The following NCR1 variants were observed in gnomAD, a reference collection of about 807,000 sequenced individuals.
The protein encoded by NCR1 is NK cell-activating receptor.
In NCR1, 30 loss-of-function variants were observed where a neutral mutation model predicts 32.5. The observed-to-expected ratio is 0.92, with a 90% confidence interval of 0.69 to 1.25. The LOEUF (loss-of-function observed/expected upper bound fraction) is 1.25, where lower values mean the gene tolerates loss of function less well. Among genes scored for constraint, NCR1 ranks in the 50% most tolerant of loss-of-function variants. The pLI is 0.00. For synonymous variants in NCR1, 169 were observed against 143.4 expected, an observed-to-expected ratio of 1.18 and a Z score of -1.28; for missense variants, 369 against 380.7, an observed-to-expected ratio of 0.97 and a Z score of 0.26.
intron 5 of NCR1, among the ~76,000 whole-genome samples, chr19:54,911,352 AAAAAAG>A (rs762610378): frequency 0.06 from 8,689 of 145,708 alleles, 352 homozygotes; most frequent in Middle Eastern, 0.18. Context: ...CCGTCTCAAA[AAAAAAG>A]AAAAAGAAAA....
the NCR1 span, among the ~76,000 whole-genome samples, chr19:54,928,293 C>T: frequency 1.4e-4 from 22 of 152,026 alleles, no homozygotes; most frequent in Admixed American, 4.6e-4. Context: ...TCCAGCTACT[C>T]GAGAGGCAGG....
chr19:54,911,735 C>T (rs73619965), intron 5 of NCR1, among the ~76,000 whole-genome samples: 128,121 of 152,102 alleles, frequency 0.84, 54,556 homozygotes, highest in East Asian at 0.96. Context: ...CAGAGGCCTG[C>T]CATCCCAGCC....
At chr19:54,914,791 G>A (rs561217068), downstream of NCR1, among the ~76,000 whole-genome samples, 5 of 149,932 alleles carry the variant, frequency 3.3e-5, no homozygotes, top group Non-Finnish European at 5.9e-5. Context: ...CCAAGCTGGC[G>A]TGCAGTGGCA....
upstream of NCR1, among the ~76,000 whole-genome samples, chr19:54,905,922 A>G (rs1003053580): frequency 2.0e-5 from 3 of 152,204 alleles, no homozygotes; most frequent in Admixed American, 2.0e-4. Context: ...AGAATTGAGA[A>G]GTTGACCCAG....
At position 54,906,318 on chromosome 19, in the gene NCR1, G is replaced by T; in HGVS notation, c.54G>T (p.Arg18Ser). ...LLCVGLCLSQRISAQQQTLPK... is the reference protein window; with the variant it reads ...LLCVGLCLSQSISAQQQTLPK... Reference sequence around the variant, plus strand: ...TTCCAGGGCTGTGTCTGAGTCAGAGGATCAGCGCCCAGCAGCGTGAGTCCT... The same window carrying T: ...TTCCAGGGCTGTGTCTGAGTCAGAGTATCAGCGCCCAGCAGCGTGAGTCCT... The change falls in exon 2 of 7, where the codon AGG becomes AGT. Residue 18 changes from arginine to serine, a missense_variant. By Grantham distance (110) the Arg-to-Ser change is moderately radical (BLOSUM62 -1). Coordinates refer to ENST00000291890, the MANE Select transcript of NCR1 (RefSeq NM_004829.7). 1 of 1,613,992 alleles carries T rather than the reference G, an allele frequency of 6.2e-7. No homozygotes were observed.
At chr19:54,907,105 G>A (rs994964608) in intron 3 of NCR1, among the ~76,000 whole-genome samples, 1 of 151,664 alleles carries the variant, frequency 6.6e-6, no homozygotes, top group Non-Finnish European at 1.5e-5. Context: ...TGGGCCAGGC[G>A]CAGTGGCTTA....
the NCR1 span, among the ~76,000 whole-genome samples, chr19:54,921,983 G>A: frequency 3.3e-5 from 5 of 151,142 alleles, no homozygotes; most frequent in East Asian, 7.9e-4. Flanking sequence ...CGCAAACTCC[G>A]CCTCCCGGGT....
chr19:54,935,445 T>C, the NCR1 span, among the ~76,000 whole-genome samples: 13 of 152,012 alleles, frequency 8.6e-5, no homozygotes, highest in Admixed American at 2.0e-4. Flanking sequence ...CCTGTAATCC[T>C]AGCACTTTGG....
intron 5 of NCR1, among the ~76,000 whole-genome samples, chr19:54,910,329 C>T (rs587708725): frequency 3.3e-5 from 5 of 151,998 alleles, no homozygotes; most frequent in South Asian, 2.1e-4. Flanking sequence ...CCCAACACTT[C>T]GGGAGGCCAA....
the NCR1 span, chr19:54,927,667 C>G: frequency 1.9e-6 from 3 of 1,614,054 alleles, no homozygotes; most frequent in African/African-American, 2.7e-5. Flanking sequence ...TTATGCCACT[C>G]TTCCACAAAT....
chr19:54,920,533 T>G (rs73603931), downstream of NCR1, among the ~76,000 whole-genome samples: 4,540 of 152,138 alleles, frequency 0.03, 230 homozygotes, highest in African/African-American at 0.11. Context: ...TTATTACTGG[T>G]AAGTGGGTAA....
At chr19:54,934,655 C>T in the NCR1 span, 3 of 1,612,872 alleles carry the variant, frequency 1.9e-6, no homozygotes, top group Middle Eastern at 1.7e-4. This position sits in a 1 kb window ranked among gnomAD's most constrained non-coding sequence, Gnocchi z 6.7. Context: ...CAGTGACCTC[C>T]CAACCTGTGA....
intron 2 of NCR1, 44 bp downstream of exon 2, chr19:54,906,378 G>A: frequency 6.2e-7 from 1 of 1,608,744 alleles, no homozygotes; most frequent in Non-Finnish European, 8.5e-7. Context: ...TCCGGATTCA[G>A]GCCAAGCTCC....
At chr19:54,932,759 G>A in the NCR1 span, among the ~76,000 whole-genome samples, 12,769 of 151,584 alleles carry the variant, frequency 0.084, 927 homozygotes, top group East Asian at 0.36. Flanking sequence ...AGATTCAAGC[G>A]ATTCTCCTAC....
At chr19:54,927,631 T>C in the NCR1 span, 1 of 1,614,166 alleles carries the variant, frequency 6.2e-7, no homozygotes, top group African/African-American at 1.3e-5. Context: ...ATCCAGTTCT[T>C]TGTCTTAGAA....
chr19:54,918,647 C>CT (rs1326329913), downstream of NCR1, among the ~76,000 whole-genome samples: 4 of 152,074 alleles, frequency 2.6e-5, no homozygotes, highest in Non-Finnish European at 5.9e-5. Context: ...TTACATCACT[C>CT]TGCCTTTGTG....
At chr19:54,917,171 C>A (rs988959978), downstream of NCR1, among the ~76,000 whole-genome samples, 1 of 151,722 alleles carries the variant, frequency 6.6e-6, no homozygotes, top group East Asian at 2.0e-4. Flanking sequence ...AACAGGTTTG[C>A]AGGCACCTCC....
chr19:54,924,813 G>GT, the NCR1 span, among the ~76,000 whole-genome samples: 3 of 152,024 alleles, frequency 2.0e-5, no homozygotes, highest in East Asian at 3.9e-4. Context: ...GCAGACAACT[G>GT]TAATACCAGC....
downstream of NCR1, among the ~76,000 whole-genome samples, chr19:54,919,730 G>A (rs1159700166): frequency 4.2e-5 from 3 of 70,832 alleles, no homozygotes; most frequent in East Asian, 7.3e-4. Flanking sequence ...CCCCCCACCC[G>A]CTGCCCCTTT....
Sources: allele counts gnomAD v4.1 joint callset (sites outside exome capture counted in the v4.1 genomes callset), GRCh38; gene constraint gnomAD v4.1.1; non-coding constraint Gnocchi (gnomAD v3.1); transcripts MANE v1.5; gene names NCBI Gene and HGNC (gene_info 2026-07-23, HGNC 2026-07-21).